GRID2: variants seen among roughly 807,000 people sequenced by gnomAD.
The protein encoded by GRID2 is glutamate ionotropic receptor delta type subunit 2, also known as glutamate receptor ionotropic, delta-2.
In GRID2, 33 loss-of-function variants were observed where a neutral mutation model predicts 114.8. The ratio of observed to expected loss-of-function variants is 0.29; its 90% CI spans 0.22 to 0.38. The LOEUF (loss-of-function observed/expected upper bound fraction) is 0.38. GRID2 is among the 10% of genes least tolerant of loss of function. The pLI, the probability that GRID2 is intolerant of heterozygous loss-of-function variation, is 1.00. For synonymous variants in GRID2, 505 were observed against 449.9 expected, an observed-to-expected ratio of 1.12 and a Z score of -1.55; for missense variants, 1,184 against 1,257.7, an observed-to-expected ratio of 0.94 and a Z score of 0.89.
At chr4:92,788,823 G>A (rs998367114) in intron 2 of GRID2, among the ~76,000 whole-genome samples, 1 of 151,422 alleles carries the variant, frequency 6.6e-6, no homozygotes, top group African/African-American at 2.4e-5. Context: ...ATTTTTATCT[G>A]ATATTTTTAG....
intron 2 of GRID2, among the ~76,000 whole-genome samples, chr4:92,730,953 A>G (rs1736301878): frequency 6.6e-6 from 1 of 152,002 alleles, no homozygotes; most frequent in African/African-American, 2.4e-5. Context: ...CAGCATTTAA[A>G]TCATTGAATG....
intron 2 of GRID2, among the ~76,000 whole-genome samples, chr4:93,021,451 A>T (rs957491278): frequency 3.3e-5 from 5 of 149,388 alleles, no homozygotes; most frequent in African/African-American, 1.2e-4. Flanking sequence ...TAATTTTAAA[A>T]ATTATTAAAG....
At chr4:93,344,420 T>C (rs77003145) in intron 8 of GRID2, among the ~76,000 whole-genome samples, 6,156 of 151,708 alleles carry the variant, frequency 0.041, 164 homozygotes, top group South Asian at 0.068. Flanking sequence ...TTTTTCTTTT[T>C]TCCCCCCTCA....
At chr4:93,335,964 G>C (rs915398705) in intron 8 of GRID2, among the ~76,000 whole-genome samples, 5 of 152,080 alleles carry the variant, frequency 3.3e-5, no homozygotes, top group African/African-American at 1.2e-4. Context: ...TGGGATTATA[G>C]GCGTGAGCCA....
At chr4:92,632,001 G>A (rs985282973) in intron 2 of GRID2, among the ~76,000 whole-genome samples, 10 of 152,088 alleles carry the variant, frequency 6.6e-5, no homozygotes, top group Admixed American at 3.3e-4. Flanking sequence ...AGGCTGAAAG[G>A]TTCTCAGTTT....
chr4:93,029,560 G>A (rs1052372304), intron 2 of GRID2, among the ~76,000 whole-genome samples: 1 of 152,006 alleles, frequency 6.6e-6, no homozygotes, highest in African/African-American at 2.4e-5. Context: ...GAAATAGAAA[G>A]TACCAGTAAA....
At chr4:92,750,623 T>C (rs373794649) in intron 2 of GRID2, among the ~76,000 whole-genome samples, 4 of 152,336 alleles carry the variant, frequency 2.6e-5, no homozygotes, top group African/African-American at 9.6e-5. Context: ...ACATTTCTTA[T>C]GTCAGTAGCC....
At chr4:92,979,807 C>G (rs1754082136) in intron 2 of GRID2, among the ~76,000 whole-genome samples, 1 of 152,088 alleles carries the variant, frequency 6.6e-6, no homozygotes, top group African/African-American at 2.4e-5. Flanking sequence ...CATTTTGTTA[C>G]CTAGAGAGAT....
chr4:93,600,238 A>C (rs2149638117), intron 13 of GRID2, among the ~76,000 whole-genome samples: 1 of 152,324 alleles, frequency 6.6e-6, no homozygotes, highest in South Asian at 2.1e-4. Flanking sequence ...CAAAAACAAA[A>C]AAAATTCTAC....
chr4:92,524,383 C>A (rs148886899), intron 1 of GRID2, among the ~76,000 whole-genome samples: 3 of 136,352 alleles, frequency 2.2e-5, no homozygotes, highest in East Asian at 4.2e-4. Context: ...GCCTATATAT[C>A]TTTCTGCTCT....
At position 92,404,171 on chromosome 4, in the gene GRID2, G is replaced by A. The variant is rs376728441; in HGVS notation, c.88+99427G>A. The stretch of plus-strand genomic sequence containing the variant: ...AGAAAATCAATTTCTGCAAAGAGCA[G>A]TAAAGTTTAACACAATAAATCTAGG... On this transcript the variant is annotated intron_variant, in intron 1 of 15. Coordinates refer to ENST00000282020, the MANE Select transcript of GRID2 (RefSeq NM_001510.4). Among the ~76,000 whole-genome samples the A allele has an allele frequency of 1.2e-4, 19 of 152,266 alleles. No homozygotes were observed. The East Asian group carries it at 2.9e-3, about 23-fold the overall frequency.
intron 14 of GRID2, among the ~76,000 whole-genome samples, chr4:93,635,169 T>A (rs944866836): frequency 5.9e-5 from 9 of 151,850 alleles, no homozygotes; most frequent in African/African-American, 1.7e-4. Context: ...GACTTTTTTT[T>A]AATTTATATA....
In GRID2 at chr4:92,878,684, T is replaced by C. The variant is rs190533952; in HGVS notation, c.245-206311T>C. The stretch of plus-strand genomic sequence containing the variant: ...TCACACTTTTTTCTTTTTATATTCA[T>C]GTATTCTTTTAGCAAATATTTATTG... On this transcript the variant is annotated intron_variant, in intron 2 of 15. Coordinates refer to ENST00000282020, the MANE Select transcript of GRID2 (RefSeq NM_001510.4). Among the ~76,000 whole-genome samples, 148 of 152,286 alleles carry C rather than the reference T, an allele frequency of 9.7e-4. 1 individual carries two copies. The highest frequency in any genetic ancestry group is 1.8e-3 in the Non-Finnish European group (124 of 67,992).
intron 2 of GRID2, among the ~76,000 whole-genome samples, chr4:92,736,619 C>T (rs187723155): frequency 1.1e-3 from 164 of 152,160 alleles, no homozygotes; most frequent in Non-Finnish European, 1.6e-3. Context: ...GCAACAAACA[C>T]GTACTTAGGC....
At chr4:92,778,555 TAAG>T (rs1411945716) in intron 2 of GRID2, among the ~76,000 whole-genome samples, 1 of 152,148 alleles carries the variant, frequency 6.6e-6, no homozygotes, top group Admixed American at 6.6e-5. Context: ...CTGGTGGGTT[TAAG>T]AAGAATTTTA....
At chr4:93,382,027 C>A (rs1366899871) in intron 8 of GRID2, among the ~76,000 whole-genome samples, 2 of 152,018 alleles carry the variant, frequency 1.3e-5, no homozygotes, top group African/African-American at 4.8e-5. Context: ...ATATAGGATT[C>A]TTGCTTGACA....
At chr4:92,410,656 G>A (rs1389914495) in intron 1 of GRID2, among the ~76,000 whole-genome samples, 3 of 152,042 alleles carry the variant, frequency 2.0e-5, no homozygotes, top group Admixed American at 2.0e-4. Context: ...TTAGATGTGT[G>A]ATCTTGAGCC....
At chr4:92,533,119 C>T (rs566058975) in intron 1 of GRID2, among the ~76,000 whole-genome samples, 1 of 151,694 alleles carries the variant, frequency 6.6e-6, no homozygotes, top group Non-Finnish European at 1.5e-5. Context: ...TCTGTTCAGT[C>T]TAAATAAATA....
chr4:93,063,487 T>C (rs1372780136), intron 2 of GRID2, among the ~76,000 whole-genome samples: 1 of 151,862 alleles, frequency 6.6e-6, no homozygotes, highest in Non-Finnish European at 1.5e-5. Context: ...TTCCTCCCAC[T>C]TACACAGCCT....
Sources: gnomAD v4.1 joint callset for allele counts (sites outside exome capture counted in the v4.1 genomes callset) on GRCh38, gnomAD v4.1.1 for gene constraint, MANE v1.5 for transcripts, NCBI Gene and HGNC (gene_info 2026-07-23, HGNC 2026-07-21) for gene names.